Variants in CAPN13 observed in about 807,000 individuals in gnomAD.
The protein encoded by CAPN13 is calpain 13, also known as calpain-13.
Under a neutral mutation model 98.4 loss-of-function variants are expected in CAPN13, and 90 were observed. The observed-to-expected ratio is 0.92, with a 90% CI of 0.77 to 1.09. The LOEUF is 1.09. Ranked by LOEUF, CAPN13 falls within the 50% of genes least tolerant of loss-of-function variation. The pLI, the probability that CAPN13 is intolerant of heterozygous loss-of-function variation, is 0.00. For synonymous variants in CAPN13, 330 were observed against 305.5 expected (o/e 1.08, Z -0.84); for missense variants, 887 against 841.3 (o/e 1.05, Z -0.67).
chr2:30,752,821 C>T (rs1036499158), intron 10 of CAPN13, among the ~76,000 whole-genome samples: 9 of 152,234 alleles, frequency 5.9e-5, no homozygotes, highest in Non-Finnish European at 1.3e-4. Context: ...GATATTGGCA[C>T]AGCATGGAGG....
intron 1 of CAPN13, among the ~76,000 whole-genome samples, chr2:30,799,301 G>T (rs968419289): frequency 1.3e-5 from 2 of 151,618 alleles, no homozygotes; most frequent in African/African-American, 4.9e-5. Flanking sequence ...GTGAGATGGT[G>T]TAAGTGTGAG....
At chr2:30,805,167 A>G (rs1675538279) in intron 1 of CAPN13, among the ~76,000 whole-genome samples, 1 of 152,182 alleles carries the variant, frequency 6.6e-6, no homozygotes, top group Non-Finnish European at 1.5e-5. Context: ...TTAACTCCCC[A>G]TAGGGCAAGC....
chr2:30,791,360 A>G (rs1375010286), intron 1 of CAPN13, among the ~76,000 whole-genome samples: 1 of 152,250 alleles, frequency 6.6e-6, no homozygotes, highest in Non-Finnish European at 1.5e-5. Flanking sequence ...ACCTAGCGCT[A>G]GGCCTGGCAC....
intron 2 of CAPN13, among the ~76,000 whole-genome samples, chr2:30,779,450 G>A (rs1252543128): frequency 1.3e-5 from 2 of 152,182 alleles, no homozygotes; most frequent in East Asian, 1.9e-4. Context: ...TGCTGAGGGC[G>A]GGTACCTTGG....
At chr2:30,736,446 T>TA in intron 18 of CAPN13, 57 bp downstream of exon 18, 1 of 1,562,660 alleles carries the variant, frequency 6.4e-7, no homozygotes, top group East Asian at 2.2e-5. Context: ...AGACACCCAG[T>TA]AAATCCTTGC....
At chr2:30,806,430 A>T (rs78147311) in intron 1 of CAPN13, among the ~76,000 whole-genome samples, 3,529 of 151,670 alleles carry the variant, frequency 0.023, 76 homozygotes, top group East Asian at 0.09. Context: ...CAACAACAAA[A>T]ACCCACAATA....
intron 1 of CAPN13, among the ~76,000 whole-genome samples, chr2:30,791,752 T>C (rs567544233): frequency 2.9e-4 from 44 of 152,324 alleles, no homozygotes; most frequent in African/African-American, 9.9e-4. Context: ...ATCTGTCAAA[T>C]GGGAACATGA....
chr2:30,743,445 C>T lies in CAPN13; in HGVS notation c.1383G>A (p.Gln461=), dbSNP rs1671753853. ...AGAACTCCGCTGATTTTCTCCGTGT[C>T]TGTGCAACCACAACATAGTTCCCAG... ...LSPGNYVVVA[Q]TRRKSAEFLL... The change falls in exon 13 of 23, where the codon CAG becomes CAA. Residue 461 remains glutamine (Q), a synonymous_variant. Coordinates refer to ENST00000295055, the MANE Select transcript of CAPN13 (RefSeq NM_144575.3). 1 of 1,613,902 alleles carries T rather than the reference C, an allele frequency of 6.2e-7. No homozygotes were observed. The highest frequency in any genetic ancestry group is 1.1e-5 in the South Asian group (1 of 91,094).
Position 30,723,527 on chromosome 2 carries a change from G to A in CAPN13, c.*31-291C>T, listed in dbSNP as rs541520620. Among the ~76,000 whole-genome samples the A allele has an allele frequency of 9.2e-5, 14 of 152,212 alleles. No homozygotes were observed. In the South Asian group the frequency reaches 1.5e-3, roughly 16 times the overall value. ...CATAGCCCATTTTAGCACCTTGAGG[G>A]CTGGCACTGGAGTGGAGGGAAACTT... On this transcript the variant is annotated intron_variant, in intron 22 of 22. Transcript: ENST00000295055.
At chr2:30,800,124 G>GAAAAGAAAGAAAAGAAAGA (rs1363360889) in intron 1 of CAPN13, among the ~76,000 whole-genome samples, 66 of 110,070 alleles carry the variant, frequency 6.0e-4, no homozygotes, top group African/African-American at 2.4e-3. Context: ...AGAAAAGAAA[G>GAAAAGAAAGAAAAGAAAGA]AAAGAAAGAA....
At chr2:30,733,321 A>G (rs1671197517) in intron 19 of CAPN13, among the ~76,000 whole-genome samples, 1 of 73,822 alleles carries the variant, frequency 1.4e-5, no homozygotes, top group Non-Finnish European at 2.9e-5. Context: ...ATGCCTTTAG[A>G]TAAGCCAGGT....
intron 18 of CAPN13, among the ~76,000 whole-genome samples, chr2:30,735,790 G>A (rs1671332265): frequency 1.3e-5 from 2 of 152,146 alleles, no homozygotes; most frequent in South Asian, 2.1e-4. Flanking sequence ...GTATTTATTG[G>A]CATTTATTAG....
At chr2:30,788,330 A>G (rs1558341477) in intron 1 of CAPN13, among the ~76,000 whole-genome samples, 1 of 152,204 alleles carries the variant, frequency 6.6e-6, no homozygotes, top group Non-Finnish European at 1.5e-5. Flanking sequence ...GTAGTCCCTC[A>G]GTAAATGTTA....
In CAPN13 at chr2:30,803,601, C is replaced by T. The variant is rs576110261; in HGVS notation, c.-33+3701G>A. Among the ~76,000 whole-genome samples, 173 of 152,308 alleles carry T rather than the reference C, an allele frequency of 1.1e-3. 1 individual carries two copies. Among genetic ancestry groups the T allele is most frequent in the South Asian group, 2.1e-3 (10 of 4,824 alleles). On this transcript the variant is annotated intron_variant, in intron 1 of 22. Coordinates refer to ENST00000295055, the MANE Select transcript of CAPN13 (RefSeq NM_144575.3). ...ATGTTAACCCCAGAGTCCTGGCTGT[C>T]CTCCAGCCCAAGTCCTTAGAGGCAG...
intron 11 of CAPN13, among the ~76,000 whole-genome samples, chr2:30,747,102 A>G (rs935109186): frequency 2.0e-5 from 3 of 152,246 alleles, no homozygotes; most frequent in East Asian, 1.9e-4. Flanking sequence ...CTGTGTGCCT[A>G]TGAATGGGGA....
intron 1 of CAPN13, among the ~76,000 whole-genome samples, chr2:30,796,166 ATG>A (rs1254582466): frequency 2.1e-5 from 3 of 142,078 alleles, no homozygotes; most frequent in African/African-American, 8.4e-5. Context: ...ATACATATAT[ATG>A]TGTGTATATA....
rs201284844 is a variant in CAPN13, at chr2:30,787,321, G to T, written c.5C>A (p.Ala2Glu). ...CTCCACTGAAGGCTCCTGGTAATAC[G>T]CCATGACTCTCCTTAGAAGACTTCC... M[A>E]YYQEPSVETS... is the part of the protein sequence containing the mutation. The change falls in exon 2 of 23, where the codon GCG becomes GAG. Residue 2 changes from alanine to glutamate, a missense_variant. Physicochemically the swap from Ala to Glu is moderately radical, Grantham distance 107. Coordinates refer to ENST00000295055, the MANE Select transcript of CAPN13 (RefSeq NM_144575.3). The T allele has an allele frequency of 1.2e-6, 2 of 1,611,154 alleles. No individual in the cohort carries two copies. The highest frequency in any genetic ancestry group is 1.3e-5 in the African/African-American group (1 of 74,842).
In CAPN13 at chr2:30,754,347, T is replaced by A; in HGVS notation, c.884A>T (p.Glu295Val). The A allele has an allele frequency of 1.2e-6, 2 of 1,604,706 alleles. No homozygotes were observed. The highest frequency in any genetic ancestry group is 1.1e-5 in the South Asian group (1 of 88,540). ...RWSDGSQEWE[E>V]TCDPRKSQLH... ...CTGGCTTTTCCGCGGATCACAGGTTTCCTCCCACTCCTGAGACCTGAGCAT... is the reference window on the plus strand; with the variant it reads ...CTGGCTTTTCCGCGGATCACAGGTTACCTCCCACTCCTGAGACCTGAGCAT... Residue 295 changes from glutamate (E) to valine (V), a missense_variant, in exon 9 of 23, where the codon GAA becomes GTA. Glu to Val is a moderately radical substitution (Grantham distance 121). Transcript: ENST00000295055.
intron 19 of CAPN13, among the ~76,000 whole-genome samples, chr2:30,733,206 C>A (rs368541641): frequency 6.6e-6 from 1 of 152,186 alleles, no homozygotes; most frequent in Non-Finnish European, 1.5e-5. Flanking sequence ...CAGAACCCTG[C>A]AAGCCAAACC....
Sources: gnomAD v4.1 joint callset for allele counts (sites outside exome capture counted in the v4.1 genomes callset) on GRCh38, gnomAD v4.1.1 for gene constraint, MANE v1.5 for transcripts, NCBI Gene and HGNC (gene_info 2026-07-23, HGNC 2026-07-21) for gene names.